VPS35L: variants seen among roughly 807,000 people sequenced by gnomAD.
VPS35L encodes VPS35 endosomal protein-sorting factor-like.
VPS35L carries 83 observed loss-of-function variants against 133.0 expected under a neutral mutation model. The ratio of observed to expected loss-of-function variants is 0.62; its 90% confidence interval spans 0.52 to 0.75. The LOEUF is 0.75. Ranked by LOEUF, VPS35L falls within the 30% of genes least tolerant of loss-of-function variation. The pLI is 0.00. For missense variants in VPS35L, 1,083 were observed against 1,206.8 expected (o/e 0.90, Z 1.52); for synonymous variants, 423 against 449.9 (o/e 0.94, Z 0.76).
chr16:19,569,701 C>A, intron 3 of VPS35L, 110 bp downstream of exon 3: 1 of 1,184,198 alleles, frequency 8.4e-7, no homozygotes, highest in Non-Finnish European at 1.1e-6. Context: ...CAGAGTCTCA[C>A]TCTGTCACCC....
intron 14 of VPS35L, among the ~76,000 whole-genome samples, chr16:19,619,465 G>A (rs1420490141): frequency 2.0e-5 from 3 of 152,092 alleles, no homozygotes; most frequent in Admixed American, 6.6e-5. Context: ...GCTGTCCTCC[G>A]CTTCTGGGAA....
intron 3 of VPS35L, among the ~76,000 whole-genome samples, chr16:19,570,806 C>T (rs1158255429): frequency 7.1e-6 from 1 of 141,046 alleles, no homozygotes; most frequent in African/African-American, 2.5e-5. Flanking sequence ...AGAATACATG[C>T]TCTCGATCAT....
At chr16:19,612,294 C>G (rs1295686563) in intron 12 of VPS35L, among the ~76,000 whole-genome samples, 1 of 150,494 alleles carries the variant, frequency 6.6e-6, no homozygotes, top group Non-Finnish European at 1.5e-5. Context: ...CACTCTGTTG[C>G]CCAGGCTGGA....
chr16:19,666,916 C>CTTTCTTTCTTTA (rs1974694807), intron 26 of VPS35L, among the ~76,000 whole-genome samples: 1 of 105,276 alleles, frequency 9.5e-6, no homozygotes, highest in Non-Finnish European at 1.9e-5. Flanking sequence ...TTCTTTCTTT[C>CTTTCTTTCTTTA]TTTCTTTCTT....
At position 19,608,310 on chromosome 16, in the gene VPS35L, A is replaced by G. The variant is rs147776707; in HGVS notation, c.881+36A>G. On this transcript the variant is annotated intron_variant, in intron 10 of 30. Transcript: ENST00000417362. ...TTTTTTTTTTGGTCTGATGATTTTA[A>G]AGATAGGCTAAAAGAATTGTACTGT... 1,968 of 1,402,060 alleles carry G rather than the reference A, an allele frequency of 1.4e-3. 6 individuals are homozygous for G. Among genetic ancestry groups the G allele is most frequent in the Middle Eastern group, 0.012 (68 of 5,626 alleles). 86.9% of individuals were successfully genotyped at this position (1,402,060 alleles called of 1,614,324 possible).
rs1233265745 is a variant in VPS35L at position 19,564,794 on chromosome 16, T to TTTTTAGTG, written c.18-51_18-44dup. ...GTCATTGAAGAAGTCTCATCAGAAG[T>TTTTTAGTG]TTTTAGTGTTTTAAGTACCCCCATC... On this transcript the variant is annotated intron_variant, in intron 1 of 30. Coordinates refer to ENST00000417362, the MANE Select transcript of VPS35L (RefSeq NM_020314.7). 1.7e-4 allele frequency: 206 copies of TTTTTAGTG among 1,192,300 alleles called. No individual in the cohort carries two copies. In the African/African-American group the frequency reaches 2.6e-3, roughly 15 times the overall value. 73.9% of individuals were successfully genotyped at this position (1,192,300 alleles called of 1,614,324 possible).
intron 14 of VPS35L, 45 bp from the exon 15 acceptor site, chr16:19,626,132 T>C: frequency 7.8e-7 from 1 of 1,282,286 alleles, no homozygotes; most frequent in Non-Finnish European, 1.1e-6. Context: ...TTACTTTAGC[T>C]CCTCCAACCT....
At chr16:19,570,830 G>T (rs1971337954) in intron 3 of VPS35L, among the ~76,000 whole-genome samples, 1 of 93,134 alleles carries the variant, frequency 1.1e-5, no homozygotes, top group African/African-American at 3.5e-5. Context: ...CCTATGCTGT[G>T]TTTCATATAT....
chr16:19,629,604 G>A (rs9937040), intron 17 of VPS35L, among the ~76,000 whole-genome samples, 163 bp from the exon 18 acceptor site: 11,036 of 152,172 alleles, frequency 0.073, 888 homozygotes, highest in African/African-American at 0.19. Flanking sequence ...TGAAAATATC[G>A]TTAGTAGGAT....
Position 19,610,416 on chromosome 16 carries a change from G to C in VPS35L, c.1023+1G>C. On this transcript the variant is annotated splice_donor_variant, in intron 12 of 30. Transcript: ENST00000417362. LOFTEE classifies it high-confidence loss of function. ...GTATGCCCGTGCCTACCTGTGCCGG[G>C]TAGGCCATGCGAGTCACTGCCCTTG... 1 of 1,613,324 alleles carries C rather than the reference G, an allele frequency of 6.2e-7. No individual in the cohort carries two copies. The highest frequency in any genetic ancestry group is 1.7e-5 in the Admixed American group (1 of 59,970).
At chr16:19,580,735 C>A (rs1971682857) in intron 6 of VPS35L, among the ~76,000 whole-genome samples, 2 of 152,126 alleles carry the variant, frequency 1.3e-5, no homozygotes, top group Admixed American at 1.3e-4. Context: ...ACCTGTACTC[C>A]CCTGAGAGTT....
At position 19,610,382 on chromosome 16, in the gene VPS35L, A is replaced by G. The variant is rs546375796; in HGVS notation, c.990A>G (p.Leu330=). Residue 330 remains leucine, a synonymous_variant, in exon 12 of 31, where the codon CTA becomes CTG. Coordinates refer to ENST00000417362, the MANE Select transcript of VPS35L (RefSeq NM_020314.7). Reference sequence around the variant, plus strand: ...TGATCAGAGGGATCGGAGACCCACTAGTGTCGGTGTATGCCCGTGCCTACC... The same window carrying G: ...TGATCAGAGGGATCGGAGACCCACTGGTGTCGGTGTATGCCCGTGCCTACC... The part of the protein sequence containing the change: ...TCMIRGIGDP[L]VSVYARAYLC... 3.4e-5 allele frequency: 55 copies of G among 1,614,066 alleles called. No individual in the cohort carries two copies. Among genetic ancestry groups the G allele is most frequent in the Admixed American group, 5.0e-5 (3 of 60,012 alleles).
intron 30 of VPS35L, 119 bp from the exon 31 acceptor site, chr16:19,700,259 C>A: frequency 1.2e-6 from 1 of 850,174 alleles, no homozygotes. Context: ...TCTCATCCCT[C>A]AAAAAACTCA....
chr16:19,679,139 G>A (rs1597427954), intron 27 of VPS35L, among the ~76,000 whole-genome samples: 2 of 150,794 alleles, frequency 1.3e-5, no homozygotes, highest in Non-Finnish European at 3.0e-5. Context: ...AAGGCTGGGG[G>A]GGCGGGGGTG....
At chr16:19,556,979 G>A (rs1970879742) in intron 1 of VPS35L, among the ~76,000 whole-genome samples, 1 of 152,010 alleles carries the variant, frequency 6.6e-6, no homozygotes, top group Admixed American at 6.6e-5. Flanking sequence ...ACAAAAATTA[G>A]CTGGGCTAAA....
chr16:19,642,371 A>G (rs1037075576), intron 21 of VPS35L, 25 bp from the exon 22 acceptor site: 29 of 1,604,780 alleles, frequency 1.8e-5, no homozygotes, highest in Non-Finnish European at 2.4e-5. Context: ...CAAAACTTTG[A>G]CTTTTATCTT....
chr16:19,666,487 A>G (rs1480450941), intron 26 of VPS35L, among the ~76,000 whole-genome samples: 5 of 152,232 alleles, frequency 3.3e-5, no homozygotes, highest in Admixed American at 2.0e-4. Flanking sequence ...AATATTTTCT[A>G]TATGGGGCAA....
chr16:19,666,577 G>A (rs747558477), intron 26 of VPS35L, among the ~76,000 whole-genome samples: 6 of 152,052 alleles, frequency 3.9e-5, no homozygotes, highest in African/African-American at 1.2e-4. Flanking sequence ...TTTTAGCTCC[G>A]TCCTTTAGAG....
intron 26 of VPS35L, among the ~76,000 whole-genome samples, chr16:19,666,927 T>TTTCTTCCTTTCTTC (rs1974698248): frequency 4.1e-4 from 26 of 62,974 alleles, no homozygotes; most frequent in African/African-American, 1.2e-3. Flanking sequence ...TTTCTTTCTT[T>TTTCTTCCTTTCTTC]CTTTCTTCCT....
Sources: gnomAD v4.1 joint callset for allele counts (sites outside exome capture counted in the v4.1 genomes callset) on GRCh38, gnomAD v4.1.1 for gene constraint, MANE v1.5 for transcripts, NCBI Gene and HGNC (gene_info 2026-07-23, HGNC 2026-07-21) for gene names.